CSMD1: variants seen among roughly 807,000 people sequenced by gnomAD.
The protein encoded by CSMD1 is CUB and Sushi multiple domains 1, also known as CUB and sushi domain-containing protein 1.
CSMD1 carries 213 observed loss-of-function variants against 417.5 expected under a neutral mutation model. The ratio of observed to expected loss-of-function variants is 0.51; its 90% CI spans 0.46 to 0.57. The LOEUF is 0.57. Ranked by LOEUF, CSMD1 falls within the 20% of genes least tolerant of loss-of-function variation. The pLI, the probability that CSMD1 is intolerant of heterozygous loss-of-function variation, is 0.00. For missense variants in CSMD1, 6,923 were observed against 4,529.7 expected, an observed-to-expected ratio of 1.53 and a Z score of -15.17; for synonymous variants, 2,862 against 1,736.8, an observed-to-expected ratio of 1.65 and a Z score of -16.11.
In CSMD1 at chr8:4,077,306, T is replaced by TATATGTAC. The variant is rs1554439900; in HGVS notation, c.416-45208_416-45207insGTACATAT. ...ATATATATATATATGTGTATATATA[T>TATATGTAC]ATATATATATATATATGGTAGACAT... On this transcript the variant is annotated intron_variant, in intron 3 of 69. Coordinates refer to ENST00000635120, the MANE Select transcript of CSMD1 (RefSeq NM_033225.6). 1.9e-3 allele frequency among the ~76,000 whole-genome samples: 257 copies of TATATGTAC among 138,374 alleles called. 4 individuals carry two copies. Among genetic ancestry groups the TATATGTAC allele is most frequent in the African/African-American group, 6.8e-3 (249 of 36,774 alleles). The allele number at this position is 138,374 out of a possible 152,430, so 90.8% of individuals were successfully genotyped here.
rs143940542 is a variant in CSMD1 at position 4,508,921 on chromosome 8, G to T, written c.303-88856C>A. ...TGCCTAAATAGGATGGTGCACAGGG[G>T]CATAAATCCCACAGGACAGGTCCAA... is the stretch of plus-strand genomic sequence containing the variant. On this transcript the variant is annotated intron_variant, in intron 2 of 69. Coordinates refer to ENST00000635120, the MANE Select transcript of CSMD1 (RefSeq NM_033225.6). Among the ~76,000 whole-genome samples the T allele has an allele frequency of 5.1e-3, 779 of 152,132 alleles. 2 individuals carry two copies. Among genetic ancestry groups the T allele is most frequent in the Middle Eastern group, 0.02 (6 of 294 alleles).
At chr8:3,958,320 C>CT (rs74275212) in intron 5 of CSMD1, among the ~76,000 whole-genome samples, 158 of 14,712 alleles carry the variant, frequency 0.011, no homozygotes, top group African/African-American at 0.022. Flanking sequence ...TAAACTCTCT[C>CT]TTTTTTTTTT....
At chr8:3,670,020 A>T (rs547165029) in intron 7 of CSMD1, among the ~76,000 whole-genome samples, 34 of 152,322 alleles carry the variant, frequency 2.2e-4, no homozygotes, top group Non-Finnish European at 4.6e-4. Context: ...TAAGTTATGT[A>T]AAAGGCAGTG....
chr8:4,326,202 G>A (rs1301731212), intron 3 of CSMD1, among the ~76,000 whole-genome samples: 6 of 152,154 alleles, frequency 3.9e-5, no homozygotes, highest in African/African-American at 1.4e-4. Context: ...TGCCAATGCT[G>A]CCGATTTGGG....
intron 8 of CSMD1, among the ~76,000 whole-genome samples, chr8:3,594,486 C>G (rs1380986776): frequency 6.6e-6 from 1 of 151,976 alleles, no homozygotes; most frequent in Non-Finnish European, 1.5e-5. Context: ...GGTAACAAAG[C>G]TGAGGTTTGT....
chr8:4,726,275 T>C (rs988413581), intron 1 of CSMD1, among the ~76,000 whole-genome samples: 14 of 151,810 alleles, frequency 9.2e-5, no homozygotes, highest in African/African-American at 3.4e-4. Flanking sequence ...GCTTCTTTGA[T>C]CCTTTGTAGT....
chr8:4,750,560 A>C (rs1354573850), intron 1 of CSMD1, among the ~76,000 whole-genome samples: 1 of 152,282 alleles, frequency 6.6e-6, no homozygotes, highest in African/African-American at 2.4e-5. Flanking sequence ...CATAGGTCAG[A>C]TCTTTTTTCA....
intron 54 of CSMD1, among the ~76,000 whole-genome samples, chr8:2,992,524 A>G (rs947459667): frequency 6.6e-6 from 1 of 151,888 alleles, no homozygotes; most frequent in Admixed American, 6.6e-5. Context: ...TCTGGATTCA[A>G]GCAATTCTCC....
chr8:2,990,540 C>A (rs931080302), intron 54 of CSMD1, among the ~76,000 whole-genome samples: 1 of 152,102 alleles, frequency 6.6e-6, no homozygotes, highest in South Asian at 2.1e-4. Flanking sequence ...ATAGACTATA[C>A]GATCGACTTG....
At chr8:3,604,258 G>C (rs143007002) in intron 8 of CSMD1, among the ~76,000 whole-genome samples, 2 of 152,242 alleles carry the variant, frequency 1.3e-5, no homozygotes, top group Admixed American at 1.3e-4. Flanking sequence ...ATTTCTGGCT[G>C]GTCAGTGCTA....
intron 12 of CSMD1, among the ~76,000 whole-genome samples, chr8:3,422,692 T>C (rs373095879): frequency 1.3e-5 from 2 of 152,244 alleles, no homozygotes; most frequent in East Asian, 1.9e-4. Flanking sequence ...AGTGATTTTA[T>C]GTATTTTTCA....
chr8:3,985,590 AGGGGCGCCACCTTC>A (rs1169431528), intron 5 of CSMD1, among the ~76,000 whole-genome samples: 1 of 152,118 alleles, frequency 6.6e-6, no homozygotes, highest in Admixed American at 6.5e-5. Context: ...CTTTATTTGA[AGGGGCGCCACCTTC>A]TAGTACAGGA....
At chr8:3,646,171 G>T (rs1032713553) in intron 7 of CSMD1, among the ~76,000 whole-genome samples, 1 of 151,708 alleles carries the variant, frequency 6.6e-6, no homozygotes, top group East Asian at 1.9e-4. Context: ...AAATGAAAAA[G>T]GTGAACAAAA....
At chr8:4,182,347 C>G (rs1196608238) in intron 3 of CSMD1, among the ~76,000 whole-genome samples, 2 of 152,082 alleles carry the variant, frequency 1.3e-5, no homozygotes, top group South Asian at 2.1e-4. Flanking sequence ...CCCCAATACA[C>G]CTTCCACATG....
chr8:4,697,441 G>A (rs1033574468), intron 1 of CSMD1, among the ~76,000 whole-genome samples: 1 of 152,100 alleles, frequency 6.6e-6, no homozygotes, highest in Non-Finnish European at 1.5e-5. Flanking sequence ...TTTGCTTACA[G>A]AGGCAAGTTC....
chr8:4,258,772 T>C (rs986807266), intron 3 of CSMD1, among the ~76,000 whole-genome samples: 9 of 152,044 alleles, frequency 5.9e-5, no homozygotes, highest in African/African-American at 2.2e-4. Flanking sequence ...ACATTTAGAA[T>C]GTGTAACCAG....
Position 4,139,318 on chromosome 8 carries a change from G to A in CSMD1, c.416-107219C>T, listed in dbSNP as rs191873551. On this transcript the variant is annotated intron_variant, in intron 3 of 69. Coordinates refer to ENST00000635120, the MANE Select transcript of CSMD1 (RefSeq NM_033225.6). ...CTTACAGCTGTCGTTATACTTATAC[G>A]AAAATTTATTACAAACGTAATGAAA... Among the ~76,000 whole-genome samples, 39 of 152,252 alleles carry A rather than the reference G, an allele frequency of 2.6e-4. No individual in the cohort carries two copies. The East Asian group carries it at 6.8e-3, about 26-fold the overall frequency.
chr8:4,535,161 A>C (rs1026179506), intron 2 of CSMD1, among the ~76,000 whole-genome samples: 2 of 152,256 alleles, frequency 1.3e-5, no homozygotes, highest in African/African-American at 4.8e-5. Flanking sequence ...AAATTATATA[A>C]TGCAGTATAA....
intron 10 of CSMD1, among the ~76,000 whole-genome samples, chr8:3,496,232 G>A (rs1055189350): frequency 6.6e-5 from 10 of 152,076 alleles, no homozygotes; most frequent in East Asian, 1.9e-4. Flanking sequence ...CTCCACTGCC[G>A]ACTCTGTCCA....
Sources: gnomAD v4.1 joint callset for allele counts (sites outside exome capture counted in the v4.1 genomes callset) on GRCh38, gnomAD v4.1.1 for gene constraint, MANE v1.5 for transcripts, NCBI Gene and HGNC (gene_info 2026-07-23, HGNC 2026-07-21) for gene names.